Variants in IPPK observed in about 807,000 individuals in gnomAD.
IPPK encodes inositol-pentakisphosphate 2-kinase, also known as IPK1 homolog.
Under a neutral mutation model 64.6 loss-of-function variants are expected in IPPK, and 22 were observed. The observed-to-expected ratio is 0.34, with a 90% CI of 0.24 to 0.49. The LOEUF is 0.49. Ranked by LOEUF, IPPK falls within the 20% of genes least tolerant of loss-of-function variation. The probability of loss-of-function intolerance (pLI) is 0.99; values close to 1 mark genes in which losing one functional copy is unlikely to be tolerated. For synonymous variants in IPPK, 262 were observed against 247.2 expected (o/e 1.06, Z -0.56); for missense variants, 532 against 630.7 (o/e 0.84, Z 1.68).
chr9:92,653,020 T>G (rs992456178), intron 3 of IPPK, among the ~76,000 whole-genome samples: 2 of 152,144 alleles, frequency 1.3e-5, no homozygotes, highest in African/African-American at 4.8e-5. Context: ...TTAGACCACA[T>G]GGAAGACCCT....
intron 11 of IPPK, among the ~76,000 whole-genome samples, chr9:92,621,152 C>T (rs1851614982): frequency 6.6e-6 from 1 of 151,624 alleles, no homozygotes; most frequent in African/African-American, 2.4e-5. Flanking sequence ...GACCTAATCA[C>T]CTCCCAGAGG....
At chr9:92,663,960 C>G (rs1852540658) in intron 1 of IPPK, among the ~76,000 whole-genome samples, 1 of 152,268 alleles carries the variant, frequency 6.6e-6, no homozygotes, top group South Asian at 2.1e-4. Flanking sequence ...TCAGCTCCAG[C>G]TTCTTCCGAA....
Position 92,653,679 on chromosome 9 carries a change from G to A in IPPK, c.226-1040C>T, listed in dbSNP as rs556357555. Among the ~76,000 whole-genome samples the A allele has an allele frequency of 5.2e-4, 79 of 151,936 alleles. 1 individual carries two copies. The highest frequency in any genetic ancestry group is 8.5e-4 in the Admixed American group (13 of 15,262). On this transcript the variant is annotated intron_variant, in intron 3 of 12. Coordinates refer to ENST00000287996, the MANE Select transcript of IPPK (RefSeq NM_022755.6). Reference sequence around the variant, plus strand: ...AGCCTGACCAACATGGTGAAACCCCGTCTCTACTAAAAATACAAAATTAGC... The same window carrying A: ...AGCCTGACCAACATGGTGAAACCCCATCTCTACTAAAAATACAAAATTAGC...
intron 12 of IPPK, chr9:92,618,746 C>T: frequency 2.8e-6 from 1 of 357,522 alleles, no homozygotes. Context: ...CTGTGCCTGC[C>T]AGGGAACAGG....
chr9:92,631,828 C>T (rs556074861), intron 11 of IPPK, among the ~76,000 whole-genome samples: 2 of 152,344 alleles, frequency 1.3e-5, no homozygotes, highest in South Asian at 4.1e-4. Context: ...TCCACCACCA[C>T]AGTCAAGATA....
In IPPK at chr9:92,654,247, T is replaced by A. The variant is rs1852326856; in HGVS notation, c.226-1608A>T. 2.6e-5 allele frequency among the ~76,000 whole-genome samples: 4 copies of A among 152,230 alleles called. No homozygotes were observed. The South Asian group carries it at 8.3e-4, about 32-fold the overall frequency. On this transcript the variant is annotated intron_variant, in intron 3 of 12. Transcript: ENST00000287996. Reference sequence around the variant, plus strand: ...AAAATAAAACGCTGGCCTGGAGCAGTGGTTCACACCTATAATCCCAGCACT... The same window carrying A: ...AAAATAAAACGCTGGCCTGGAGCAGAGGTTCACACCTATAATCCCAGCACT...
chr9:92,641,718 T>A (rs1487661028), intron 7 of IPPK, among the ~76,000 whole-genome samples: 1 of 152,098 alleles, frequency 6.6e-6, no homozygotes, highest in Non-Finnish European at 1.5e-5. Context: ...TAAAAGAGCA[T>A]CTAACCAAAA....
At position 92,618,516 on chromosome 9, in the gene IPPK, T is replaced by C. The variant is rs1490775405; in HGVS notation, c.1250+970A>G. 8.8e-6 allele frequency: 4 copies of C among 456,604 alleles called. No individual in the cohort carries two copies. The Admixed American group carries it at 9.4e-5, about 11-fold the overall frequency. The allele number at this position is 456,604 out of a possible 1,614,324, so 28.3% of individuals were successfully genotyped here. A position where few individuals can be genotyped will look rare whatever the true frequency, so the allele number is the denominator to read the frequency against. On this transcript the variant is annotated intron_variant, in intron 12 of 12. Transcript: ENST00000287996. ...TCCAAGCACATTTCCATTGCCCAGC[T>C]GCATCCTTGGTCGGGGGGCTGCTGA...
chr9:92,662,387 G>A (rs181392078), intron 1 of IPPK, among the ~76,000 whole-genome samples: 3 of 152,250 alleles, frequency 2.0e-5, no homozygotes, highest in East Asian at 1.9e-4. Context: ...TTAGCCCGGC[G>A]TGGTGGCACA....
intron 11 of IPPK, among the ~76,000 whole-genome samples, chr9:92,621,855 A>T (rs2131419612): frequency 6.6e-6 from 1 of 152,308 alleles, no homozygotes. Flanking sequence ...GAGAAAGAGT[A>T]AACAGACCAT....
chr9:92,650,326 C>CAA (rs377142565), intron 4 of IPPK, among the ~76,000 whole-genome samples: 2 of 139,724 alleles, frequency 1.4e-5, no homozygotes, highest in South Asian at 2.3e-4. Context: ...GACTCCATCT[C>CAA]AAAAAAAAAA....
chr9:92,617,559 T>G (rs1470017922), intron 12 of IPPK: 1 of 152,858 alleles, frequency 6.5e-6, no homozygotes, highest in Admixed American at 6.5e-5. Flanking sequence ...ACCTGTCCCT[T>G]GTGCCACAAG....
chr9:92,651,415 G>C (rs1852264495), intron 4 of IPPK, among the ~76,000 whole-genome samples: 1 of 152,240 alleles, frequency 6.6e-6, no homozygotes, highest in Non-Finnish European at 1.5e-5. Context: ...GAAAGGGAGA[G>C]GCGAAGGGAT....
intron 6 of IPPK, among the ~76,000 whole-genome samples, chr9:92,644,519 A>G (rs1362063775): frequency 6.6e-6 from 1 of 152,190 alleles, no homozygotes; most frequent in Middle Eastern, 3.2e-3. Flanking sequence ...GTTCCCGGAA[A>G]GATCACACTT....
chr9:92,655,318 C>T (rs138816476), intron 3 of IPPK, among the ~76,000 whole-genome samples: 2,614 of 152,344 alleles, frequency 0.017, 207 homozygotes, highest in Admixed American at 0.13. Context: ...ACCTACTTTC[C>T]CACTGCGCCA....
Position 92,658,687 on chromosome 9 carries a change from G to C in IPPK, c.82-6C>G. 1.2e-6 allele frequency: 2 copies of C among 1,613,692 alleles called. No homozygotes were observed. Among genetic ancestry groups the C allele is most frequent in the Non-Finnish European group, 1.7e-6 (2 of 1,179,752 alleles). The stretch of plus-strand genomic sequence containing the variant: ...AACCGCAGCACGACGCAGCGCTGTT[G>C]GAAAATAAAACAAATCTGATTAGTA... On this transcript the variant is annotated splice_region_variant and splice_polypyrimidine_tract_variant and intron_variant, in intron 1 of 12. Coordinates refer to ENST00000287996, the MANE Select transcript of IPPK (RefSeq NM_022755.6).
At chr9:92,668,033 G>A (rs1458116170) in intron 1 of IPPK, among the ~76,000 whole-genome samples, 1 of 152,218 alleles carries the variant, frequency 6.6e-6, no homozygotes, top group Non-Finnish European at 1.5e-5. Context: ...ACTTTGGGAG[G>A]CTGAGGTGGG....
intron 1 of IPPK, among the ~76,000 whole-genome samples, chr9:92,664,125 CA>C (rs982440049): frequency 7.9e-5 from 12 of 152,348 alleles, no homozygotes; most frequent in African/African-American, 2.6e-4. Context: ...TGTCAGTCAC[CA>C]GGGGCAGGAG....
Position 92,669,929 on chromosome 9 carries a change from G to A in IPPK, c.60C>T (p.Ser20=). ...TCACCTGCGCGTGGGCCACCACCAG[G>A]CTCTTATTGCCCTCTCCGTGGTACC... ...EWGYHGEGNK[S]LVVAHAQRCV... is the part of the protein sequence containing the mutation. The change falls in exon 1 of 13, where the codon AGC becomes AGT. Residue 20 remains serine, a synonymous_variant. Coordinates refer to ENST00000287996, the MANE Select transcript of IPPK (RefSeq NM_022755.6). 2 of 1,612,764 alleles carry A rather than the reference G, an allele frequency of 1.2e-6. No homozygotes were observed. The highest frequency in any genetic ancestry group is 1.7e-6 in the Non-Finnish European group (2 of 1,179,318).
Sources: allele counts gnomAD v4.1 joint callset (sites outside exome capture counted in the v4.1 genomes callset), GRCh38; gene constraint gnomAD v4.1.1; transcripts MANE v1.5; gene names NCBI Gene and HGNC (gene_info 2026-07-23, HGNC 2026-07-21).